The following CSMD1 variants were observed in gnomAD, a reference collection of about 807,000 sequenced individuals.
The protein encoded by CSMD1 is CUB and Sushi multiple domains 1.
In CSMD1, 213 loss-of-function variants were observed where a neutral mutation model predicts 417.5. The ratio of observed to expected loss-of-function variants is 0.51; its 90% CI spans 0.46 to 0.57. CSMD1 has a LOEUF of 0.57. Ranked by LOEUF, CSMD1 falls within the 20% of genes least tolerant of loss-of-function variation. The pLI is 0.00. For missense variants in CSMD1, 6,923 were observed against 4,529.7 expected, an observed-to-expected ratio of 1.53 and a Z score of -15.17; for synonymous variants, 2,862 against 1,736.8, an observed-to-expected ratio of 1.65 and a Z score of -16.11.
chr8:4,940,852 T>A (rs7463401), intron 1 of CSMD1, among the ~76,000 whole-genome samples: 76,254 of 151,916 alleles, frequency 0.5, 20,326 homozygotes, highest in East Asian at 0.79. Flanking sequence ...GGCTTAGAGG[T>A]CATGGTTAAA....
chr8:4,760,148 G>A (rs190249913), intron 1 of CSMD1, among the ~76,000 whole-genome samples: 10 of 152,300 alleles, frequency 6.6e-5, no homozygotes, highest in South Asian at 6.2e-4. Context: ...CACACAGGAT[G>A]TCTGCAATAG....
chr8:3,134,740 G>C (rs1043924674), intron 41 of CSMD1, among the ~76,000 whole-genome samples: 7 of 152,150 alleles, frequency 4.6e-5, no homozygotes, highest in Middle Eastern at 3.4e-3. Context: ...TACTACTTTG[G>C]TGTCTAGCAG....
chr8:3,972,381 T>C (rs1394086946), intron 5 of CSMD1, among the ~76,000 whole-genome samples: 2 of 152,240 alleles, frequency 1.3e-5, no homozygotes, highest in Non-Finnish European at 2.9e-5. Flanking sequence ...CTTTTTTCTT[T>C]ATACAAACAC....
At chr8:4,769,650 C>T (rs917287940) in intron 1 of CSMD1, among the ~76,000 whole-genome samples, 1 of 151,970 alleles carries the variant, frequency 6.6e-6, no homozygotes, top group Admixed American at 6.6e-5. Context: ...GAAAAAGAAA[C>T]GGGAGGCTTG....
intron 6 of CSMD1, among the ~76,000 whole-genome samples, chr8:3,726,408 A>C (rs1336060681): frequency 6.6e-6 from 1 of 152,256 alleles, no homozygotes; most frequent in African/African-American, 2.4e-5. Context: ...CTCTATAATT[A>C]GAAAGGATGG....
chr8:3,099,165 A>G (rs1225464248), intron 46 of CSMD1, among the ~76,000 whole-genome samples: 2 of 152,122 alleles, frequency 1.3e-5, no homozygotes, highest in Non-Finnish European at 2.9e-5. Context: ...GACTTCACTC[A>G]TCAGACCTTA....
chr8:3,838,259 G>A (rs547503157), intron 5 of CSMD1, among the ~76,000 whole-genome samples: 1 of 151,970 alleles, frequency 6.6e-6, no homozygotes, highest in South Asian at 2.1e-4. Context: ...CACAAGTCTG[G>A]GCATAATGGC....
chr8:4,174,840 T>G (rs1434549097), intron 3 of CSMD1, among the ~76,000 whole-genome samples: 1 of 138,842 alleles, frequency 7.2e-6, no homozygotes, highest in Non-Finnish European at 1.5e-5. Context: ...AATTACACCT[T>G]CGCCTCAAAA....
At chr8:3,141,037 G>A (rs2129030929) in intron 41 of CSMD1, among the ~76,000 whole-genome samples, 1 of 152,308 alleles carries the variant, frequency 6.6e-6, no homozygotes, top group African/African-American at 2.4e-5. Context: ...ACTGCCATAT[G>A]GATCAACTCC....
At chr8:4,198,435 C>T (rs911597541) in intron 3 of CSMD1, among the ~76,000 whole-genome samples, 1 of 152,090 alleles carries the variant, frequency 6.6e-6, no homozygotes, top group Non-Finnish European at 1.5e-5. Context: ...TAAGCCATAC[C>T]TGTGGTGGTT....
chr8:4,381,210 G>GA (rs1438049187), intron 3 of CSMD1, among the ~76,000 whole-genome samples: 1 of 152,152 alleles, frequency 6.6e-6, no homozygotes, highest in East Asian at 1.9e-4. Flanking sequence ...TTGCTGCACG[G>GA]ATTTAAAATG....
intron 26 of CSMD1, among the ~76,000 whole-genome samples, chr8:3,273,981 G>T (rs1802075817): frequency 6.6e-6 from 1 of 151,398 alleles, no homozygotes; most frequent in African/African-American, 2.4e-5. Flanking sequence ...TTTTGAATGT[G>T]TTTGCTCTTG....
At chr8:4,270,530 C>G (rs1296620755) in intron 3 of CSMD1, among the ~76,000 whole-genome samples, 1 of 152,126 alleles carries the variant, frequency 6.6e-6, no homozygotes, top group South Asian at 2.1e-4. Context: ...TTCTGATATC[C>G]AGCTGTGACT....
intron 2 of CSMD1, among the ~76,000 whole-genome samples, chr8:4,625,422 TGA>T (rs1802039450): frequency 6.6e-6 from 1 of 152,056 alleles, no homozygotes; most frequent in South Asian, 2.1e-4. Flanking sequence ...GTCGCCTCTT[TGA>T]GAGTGCCTTA....
intron 5 of CSMD1, among the ~76,000 whole-genome samples, chr8:3,840,260 T>G (rs1351910515): frequency 6.6e-6 from 1 of 152,112 alleles, no homozygotes; most frequent in East Asian, 1.9e-4. Flanking sequence ...AGCCAAATGG[T>G]GAAACAGATG....
chr8:4,253,929 T>C (rs1223320770), intron 3 of CSMD1, among the ~76,000 whole-genome samples: 2 of 143,286 alleles, frequency 1.4e-5, no homozygotes, highest in East Asian at 2.0e-4. Flanking sequence ...TTTTTTTTTT[T>C]TTTTTGAGAT....
At chr8:3,151,891 C>G (rs183706856) in intron 39 of CSMD1, among the ~76,000 whole-genome samples, 2 of 152,302 alleles carry the variant, frequency 1.3e-5, no homozygotes, top group East Asian at 3.9e-4. Flanking sequence ...CTATGTGGTA[C>G]TTACTGTGCC....
At chr8:2,964,096 A>C (rs1412117895) in intron 59 of CSMD1, among the ~76,000 whole-genome samples, 3 of 152,184 alleles carry the variant, frequency 2.0e-5, no homozygotes, top group Non-Finnish European at 4.4e-5. Context: ...CACTGTCTAA[A>C]ATCCTTCTTC....
chr8:3,549,686 C>A (rs1319274096), intron 10 of CSMD1, among the ~76,000 whole-genome samples: 9 of 152,318 alleles, frequency 5.9e-5, no homozygotes, highest in East Asian at 1.9e-4. Context: ...CCCTTCAACA[C>A]TGGACGCCGT....
Sources: gnomAD v4.1 joint callset for allele counts (sites outside exome capture counted in the v4.1 genomes callset) on GRCh38, gnomAD v4.1.1 for gene constraint, MANE v1.5 for transcripts, NCBI Gene and HGNC (gene_info 2026-07-23, HGNC 2026-07-21) for gene names.